Variants in HEATR4 observed in about 807,000 individuals in gnomAD.
The protein encoded by HEATR4 is HEAT repeat containing 4, also known as HEAT repeat-containing protein 4.
In HEATR4, 95 loss-of-function variants were observed where a neutral mutation model predicts 108.8. The ratio of observed to expected loss-of-function variants is 0.87; its 90% CI spans 0.74 to 1.04. The LOEUF is 1.04. Ranked by LOEUF, HEATR4 falls within the 50% of genes least tolerant of loss-of-function variation. The probability of loss-of-function intolerance (pLI) is 0.00; values close to 1 mark genes in which losing one functional copy is unlikely to be tolerated. For missense variants in HEATR4, 1,152 were observed against 1,253.8 expected (o/e 0.92, Z 1.23); for synonymous variants, 443 against 459.4 (o/e 0.96, Z 0.46).
At chr14:73,600,105 A>C in the HEATR4 span, among the ~76,000 whole-genome samples, 1 of 152,182 alleles carries the variant, frequency 6.6e-6, no homozygotes, top group African/African-American at 2.4e-5. Flanking sequence ...CCATAATACA[A>C]TGGTGGGAGA....
Position 73,524,293 on chromosome 14 carries a change from C to CAAAAAAA in HEATR4, c.-72-1076_-72-1070dup, listed in dbSNP as rs1160344592. Among the ~76,000 whole-genome samples the CAAAAAAA allele has an allele frequency of 2.8e-3, 158 of 56,632 alleles. 4 individuals carry two copies. The highest frequency in any genetic ancestry group is 5.2e-3 in the East Asian group (11 of 2,134). 37.2% of individuals were successfully genotyped at this position (56,632 alleles called of 152,430 possible). ...GGGCAACAAGAGCAAAACTCCGTCT[C>CAAAAAAA]AAAAAAAAAAAAAAAAAATATATAT... On this transcript the variant is annotated intron_variant, in intron 2 of 17. Coordinates refer to ENST00000553558, the MANE Select transcript of HEATR4 (RefSeq NM_001220484.1).
chr14:73,632,878 T>C, the HEATR4 span, among the ~76,000 whole-genome samples: 7 of 149,214 alleles, frequency 4.7e-5, no homozygotes, highest in Admixed American at 4.0e-4. Flanking sequence ...AGAAATGTAA[T>C]ATACTTGTAA....
At chr14:73,587,847 G>A in the HEATR4 span, among the ~76,000 whole-genome samples, 2 of 152,230 alleles carry the variant, frequency 1.3e-5, no homozygotes, top group Admixed American at 6.5e-5. Context: ...CTGCTAATGC[G>A]CTTAATTATT....
the HEATR4 span, chr14:73,568,178 G>A: frequency 5.3e-5 from 8 of 152,052 alleles, no homozygotes; most frequent in African/African-American, 1.9e-4. Context: ...TGGGACATGA[G>A]AGATTTGGAA....
At chr14:73,528,753 T>G (rs11159022) in intron 2 of HEATR4, among the ~76,000 whole-genome samples, 11 of 152,188 alleles carry the variant, frequency 7.2e-5, no homozygotes, top group Non-Finnish European at 1.5e-5. Context: ...AATATATGTG[T>G]GAGGAATTGT....
chr14:73,615,348 C>T, the HEATR4 span, among the ~76,000 whole-genome samples: 17 of 134,940 alleles, frequency 1.3e-4, no homozygotes, highest in East Asian at 3.8e-3. Context: ...AATCACACCA[C>T]ATCACTCCAG....
the HEATR4 span, among the ~76,000 whole-genome samples, chr14:73,593,343 T>C: frequency 7.0e-6 from 1 of 142,238 alleles, no homozygotes; most frequent in Non-Finnish European, 1.5e-5. Context: ...TTTCTTTTTT[T>C]TTTTTTTTTT....
the HEATR4 span, among the ~76,000 whole-genome samples, chr14:73,633,123 G>C: frequency 3.3e-4 from 49 of 150,496 alleles, no homozygotes; most frequent in Non-Finnish European, 6.8e-4. Context: ...TCTCGCCTCA[G>C]CCTCCCGAGT....
At chr14:73,594,962 C>T in the HEATR4 span, 8 of 1,509,084 alleles carry the variant, frequency 5.3e-6, no homozygotes, top group East Asian at 9.1e-5. Context: ...GCCTCCGCCT[C>T]GCAGAGTGTT....
the HEATR4 span, chr14:73,632,167 G>GA: frequency 6.6e-6 from 1 of 151,808 alleles, no homozygotes; most frequent in Admixed American, 6.6e-5. Context: ...AGAGATGGGG[G>GA]TCTCGTTATG....
chr14:73,609,742 G>A, the HEATR4 span, among the ~76,000 whole-genome samples: 7 of 152,118 alleles, frequency 4.6e-5, no homozygotes, highest in African/African-American at 1.7e-4. Flanking sequence ...CCGGGTTCAA[G>A]CAATTCTCCT....
At chr14:73,591,271 G>A in the HEATR4 span, among the ~76,000 whole-genome samples, 3 of 152,116 alleles carry the variant, frequency 2.0e-5, no homozygotes, top group Non-Finnish European at 4.4e-5. Context: ...AGCAGGCCGG[G>A]CGCAGCGGCT....
In HEATR4 at chr14:73,478,983, G is replaced by A. The variant is rs575417146; in HGVS notation, c.2845-141C>T. ...AGACGGAGTCCCACTCTGTCGCCCA[G>A]GCTGGAGTTCAGTGGCGCAATCTCG... is the stretch of plus-strand genomic sequence containing the variant. On this transcript the variant is annotated intron_variant, in intron 17 of 17. Coordinates refer to ENST00000553558, the MANE Select transcript of HEATR4 (RefSeq NM_001220484.1). 4 of 571,620 alleles carry A rather than the reference G, an allele frequency of 7.0e-6. No individual in the cohort carries two copies. In the African/African-American group the frequency reaches 7.5e-5, roughly 11 times the overall value. 35.4% of individuals were successfully genotyped at this position (571,620 alleles called of 1,614,324 possible).
intron 2 of HEATR4, among the ~76,000 whole-genome samples, chr14:73,524,033 G>A (rs555253218): frequency 6.6e-6 from 1 of 152,102 alleles, no homozygotes; most frequent in South Asian, 2.1e-4. Flanking sequence ...GCTCACGCCT[G>A]TAATCCCAGC....
intron 17 of HEATR4, among the ~76,000 whole-genome samples, chr14:73,489,365 T>C (rs750640660): frequency 6.6e-6 from 1 of 152,160 alleles, no homozygotes; most frequent in Non-Finnish European, 1.5e-5. Flanking sequence ...CTAAAAGCCT[T>C]GGCAAGTGTT....
chr14:73,631,656 G>T, the HEATR4 span: 1 of 161,592 alleles, frequency 6.2e-6, no homozygotes, highest in South Asian at 1.7e-4. Flanking sequence ...GTGTGTGGAA[G>T]ACTACGAGCC....
the HEATR4 span, among the ~76,000 whole-genome samples, chr14:73,629,697 T>C: frequency 5.9e-5 from 9 of 151,330 alleles, no homozygotes; most frequent in East Asian, 1.2e-3. Context: ...CAGGCTGGAG[T>C]GCAGTGGTGC....
chr14:73,494,295 C>T (rs1429824020), intron 16 of HEATR4, among the ~76,000 whole-genome samples: 1 of 152,154 alleles, frequency 6.6e-6, no homozygotes, highest in Non-Finnish European at 1.5e-5. Context: ...GCTGAGTGAC[C>T]TGAGGCTGAT....
intron 16 of HEATR4, among the ~76,000 whole-genome samples, chr14:73,494,960 T>C (rs1041600418): frequency 7.2e-5 from 11 of 152,234 alleles, no homozygotes; most frequent in Non-Finnish European, 1.5e-4. Context: ...TGTGTTTTTC[T>C]GATATGTCCT....
Sources: gnomAD v4.1 joint callset for allele counts (sites outside exome capture counted in the v4.1 genomes callset) on GRCh38, gnomAD v4.1.1 for gene constraint, MANE v1.5 for transcripts, NCBI Gene and HGNC (gene_info 2026-07-23, HGNC 2026-07-21) for gene names.